Variants in NRG1 observed in about 807,000 individuals in gnomAD.
The protein encoded by NRG1 is pro-neuregulin-1, membrane-bound isoform.
NRG1 carries 18 observed loss-of-function variants against 63.8 expected under a neutral mutation model. That is an observed-to-expected ratio of 0.28 (90% CI 0.19 to 0.42). The LOEUF (loss-of-function observed/expected upper bound fraction) is 0.42, where lower values mean the gene tolerates loss of function less well. NRG1 is among the 10% of genes least tolerant of loss of function. The pLI is 1.00. For missense variants in NRG1, 762 were observed against 814.7 expected, an observed-to-expected ratio of 0.94 and a Z score of 0.79; for synonymous variants, 302 against 301.3, an observed-to-expected ratio of 1.00 and a Z score of -0.02.
chr8:32,318,379 C>T (rs140368021), intron 1 of NRG1, among the ~76,000 whole-genome samples: 154 of 152,210 alleles, frequency 1.0e-3, no homozygotes, highest in Non-Finnish European at 1.9e-3. Flanking sequence ...ATAGGGCTAC[C>T]TCATGCTTTT....
intron 1 of NRG1, among the ~76,000 whole-genome samples, chr8:32,012,503 G>A (rs1397196450): frequency 1.3e-5 from 2 of 152,052 alleles, no homozygotes; most frequent in Non-Finnish European, 2.9e-5. Flanking sequence ...AAGAATGGCA[G>A]CTTCTTAAGA....
chr8:31,679,492 A>G (rs141352933), intron 1 of NRG1, among the ~76,000 whole-genome samples: 5 of 152,318 alleles, frequency 3.3e-5, no homozygotes, highest in South Asian at 2.1e-4. Context: ...AATAAATACA[A>G]TAATCTCAGA....
chr8:32,546,363 T>C (rs889018239), upstream of NRG1, among the ~76,000 whole-genome samples: 2 of 152,140 alleles, frequency 1.3e-5, no homozygotes, highest in African/African-American at 2.4e-5. Context: ...AGAATACATC[T>C]TTGCTTTCAG....
chr8:32,309,271 T>C (rs1179820349), intron 1 of NRG1, among the ~76,000 whole-genome samples: 3 of 152,136 alleles, frequency 2.0e-5, no homozygotes, highest in African/African-American at 7.2e-5. Flanking sequence ...GGACCTGATA[T>C]ATACACTTAA....
intron 1 of NRG1, among the ~76,000 whole-genome samples, chr8:32,570,033 G>C (rs1227031862): frequency 6.6e-6 from 1 of 150,396 alleles, no homozygotes; most frequent in East Asian, 2.0e-4. Flanking sequence ...TCAGCCTCCT[G>C]AGTAGCTGGG....
chr8:32,567,834 G>T (rs1286621541), intron 1 of NRG1, among the ~76,000 whole-genome samples: 2 of 152,224 alleles, frequency 1.3e-5, no homozygotes, highest in Admixed American at 1.3e-4. Flanking sequence ...AGTGTCAATT[G>T]AAGAAATTGT....
intron 1 of NRG1, among the ~76,000 whole-genome samples, chr8:32,056,238 A>C (rs781473379): frequency 1.3e-5 from 2 of 152,160 alleles, no homozygotes; most frequent in Non-Finnish European, 2.9e-5. Flanking sequence ...TATGGCTTTA[A>C]AACAATGGGA....
chr8:32,614,395 T>C lies in NRG1; in HGVS notation c.401-119T>C, dbSNP rs556905056. ...TGTATGGTTAAAGCCTGGACTTTTC[T>C]CACTCCCTTGCAATACTTCCTTCCT... On this transcript the variant is annotated intron_variant, in intron 3 of 11. Transcript: ENST00000356819. 26 of 891,880 alleles carry C rather than the reference T, an allele frequency of 2.9e-5. No individual in the cohort carries two copies. In the East Asian group the frequency reaches 6.3e-4, roughly 21 times the overall value. The allele number at this position is 891,880 out of a possible 1,614,324, so 55.2% of individuals were successfully genotyped here.
At chr8:31,764,689 A>G (rs1271218082) in intron 1 of NRG1, among the ~76,000 whole-genome samples, 1 of 152,206 alleles carries the variant, frequency 6.6e-6, no homozygotes, top group Non-Finnish European at 1.5e-5. Flanking sequence ...TTTATGTAGT[A>G]TCTTCGAATC....
At chr8:32,313,644 A>G (rs1337797808) in intron 1 of NRG1, among the ~76,000 whole-genome samples, 1 of 152,212 alleles carries the variant, frequency 6.6e-6, no homozygotes, top group Non-Finnish European at 1.5e-5. Context: ...GGGAGTTGTC[A>G]CATCCAATTT....
At chr8:32,709,084 T>C (rs1817158877) in intron 5 of NRG1, among the ~76,000 whole-genome samples, 1 of 152,238 alleles carries the variant, frequency 6.6e-6, no homozygotes, top group Admixed American at 6.5e-5. Flanking sequence ...TCAAAGCTTT[T>C]CTCAAGGACA....
chr8:31,866,227 C>T (rs1373261781), intron 1 of NRG1, among the ~76,000 whole-genome samples: 5 of 152,096 alleles, frequency 3.3e-5, no homozygotes, highest in Non-Finnish European at 5.9e-5. Context: ...TAAAAATTGC[C>T]ATCCCACAGC....
At position 32,644,839 on chromosome 8, in the gene NRG1, T is replaced by C. The variant is rs150205169; in HGVS notation, c.502+27954T>C. On this transcript the variant is annotated intron_variant, in intron 5 of 11. Transcript: ENST00000356819. ...TTCTGCTGAATATGTTTGCTCTTAA[T>C]GGTTGAGGTAAGGTGAATAATTGCT... 1.2e-3 allele frequency among the ~76,000 whole-genome samples: 176 copies of C among 151,388 alleles called. 1 individual carries two copies. Among genetic ancestry groups the C allele is most frequent in the African/African-American group, 4.0e-3 (164 of 41,320 alleles).
chr8:31,684,862 A>T (rs1323716126), intron 1 of NRG1, among the ~76,000 whole-genome samples: 2 of 152,186 alleles, frequency 1.3e-5, no homozygotes, highest in Non-Finnish European at 2.9e-5. Flanking sequence ...TAAGTTAAAA[A>T]AAAAAGAAAA....
At chr8:32,125,963 A>T (rs1216110518) in intron 1 of NRG1, among the ~76,000 whole-genome samples, 1 of 151,868 alleles carries the variant, frequency 6.6e-6, no homozygotes, top group African/African-American at 2.4e-5. Flanking sequence ...GGAAGATGTG[A>T]TCCCTCTTTT....
chr8:32,141,592 GTATATATATATATATATATATA>G (rs59251868), intron 1 of NRG1, among the ~76,000 whole-genome samples: 14 of 71,790 alleles, frequency 2.0e-4, no homozygotes, highest in African/African-American at 4.9e-4. Flanking sequence ...ATGTGTGTGG[GTATATATATATATATATATATA>G]TATATATATA....
intron 5 of NRG1, among the ~76,000 whole-genome samples, chr8:32,705,358 C>G (rs1041033295): frequency 1.1e-4 from 17 of 152,108 alleles, no homozygotes; most frequent in Non-Finnish European, 2.5e-4. Flanking sequence ...GTCTTGATCT[C>G]CTGACCTTGT....
chr8:32,281,184 CTT>C (rs35582021), intron 1 of NRG1, among the ~76,000 whole-genome samples: 1 of 94,306 alleles, frequency 1.1e-5, no homozygotes, highest in Non-Finnish European at 2.0e-5. Context: ...GTAGTTTTTC[CTT>C]TTTTTTTTTG....
At chr8:32,765,582 TC>T (rs1369548320) in exon 12 of NRG1, 1 of 152,226 alleles carries the variant, frequency 6.6e-6, no homozygotes, top group Non-Finnish European at 1.5e-5. Context: ...TTTTCTTTTA[TC>T]TTTCCATGTT....
Sources: gnomAD v4.1 joint callset for allele counts (sites outside exome capture counted in the v4.1 genomes callset) on GRCh38, gnomAD v4.1.1 for gene constraint, MANE v1.5 for transcripts, NCBI Gene and HGNC (gene_info 2026-07-23, HGNC 2026-07-21) for gene names.